USP34: variants seen among roughly 807,000 people sequenced by gnomAD.
USP34 encodes the protein ubiquitin specific peptidase 34, also known as ubiquitin carboxyl-terminal hydrolase 34.
USP34 carries 70 observed loss-of-function variants against 460.3 expected under a neutral mutation model. The ratio of observed to expected loss-of-function variants is 0.15; its 90% CI spans 0.13 to 0.19. USP34 has a LOEUF of 0.19. USP34 is among the 10% of genes least tolerant of loss of function. USP34 has a pLI of 1.00. For synonymous variants in USP34, 1,647 were observed against 1,405.3 expected (o/e 1.17, Z -3.85); for missense variants, 3,985 against 4,236.2 (o/e 0.94, Z 1.65).
At chr2:61,392,435 A>G (rs1693378018) in intron 5 of USP34, among the ~76,000 whole-genome samples, 1 of 152,010 alleles carries the variant, frequency 6.6e-6, no homozygotes, top group Non-Finnish European at 1.5e-5. Flanking sequence ...ACCAGCCTGG[A>G]CAACATGGCG....
At chr2:61,196,529 A>G (rs1204720774) in intron 75 of USP34, among the ~76,000 whole-genome samples, 3 of 151,714 alleles carry the variant, frequency 2.0e-5, no homozygotes, top group African/African-American at 4.8e-5. Context: ...CCAGCCCTAA[A>G]CAATTTTTTT....
chr2:61,415,051 G>A (rs1694152982), intron 2 of USP34, among the ~76,000 whole-genome samples: 1 of 152,144 alleles, frequency 6.6e-6, no homozygotes, highest in South Asian at 2.1e-4. Flanking sequence ...GCAAAGCGGG[G>A]TAGCCTCCGG....
chr2:61,265,322 T>A (rs987010158), intron 43 of USP34, 75 bp downstream of exon 43: 3 of 1,485,016 alleles, frequency 2.0e-6, no homozygotes, highest in Non-Finnish European at 2.7e-6. Context: ...ATTTACTACA[T>A]TGAAATAAAA....
rs146641048 is a variant in USP34 at position 61,444,846 on chromosome 2, C to G, written c.44-24013G>C. Among the ~76,000 whole-genome samples the G allele has an allele frequency of 6.3e-3, 959 of 151,450 alleles. 6 individuals carry two copies. Among genetic ancestry groups the G allele is most frequent in the Non-Finnish European group, 6.8e-3 (463 of 67,954 alleles). On this transcript the variant is annotated intron_variant, in intron 1 of 79. Transcript: ENST00000398571. ...TTTTTTGGCTTTGGAGCACCCCCTCCGTCTCTGTACAGGGGAGCCTCTTCC... is the reference window on the plus strand; with the variant it reads ...TTTTTTGGCTTTGGAGCACCCCCTCGGTCTCTGTACAGGGGAGCCTCTTCC...
intron 1 of USP34, among the ~76,000 whole-genome samples, chr2:61,461,737 A>T (rs1695606545): frequency 1.3e-5 from 2 of 152,192 alleles, no homozygotes; most frequent in African/African-American, 4.8e-5. Flanking sequence ...TAAAAGATCA[A>T]TATATCCTTT....
intron 44 of USP34, among the ~76,000 whole-genome samples, chr2:61,258,165 G>C (rs1001307111): frequency 1.3e-5 from 2 of 151,988 alleles, no homozygotes; most frequent in South Asian, 2.1e-4. Flanking sequence ...ACCAGCTTGG[G>C]GAACATAGTG....
chr2:61,441,142 T>A (rs199767703), intron 1 of USP34, among the ~76,000 whole-genome samples: 23 of 123,044 alleles, frequency 1.9e-4, no homozygotes, highest in Admixed American at 6.3e-4. Context: ...AAAAAAAAAA[T>A]TTTTTTTTTT....
chr2:61,442,349 TA>T (rs1316858450), intron 1 of USP34, among the ~76,000 whole-genome samples: 3 of 148,878 alleles, frequency 2.0e-5, no homozygotes, highest in African/African-American at 7.4e-5. Context: ...ATACGCAAAT[TA>T]CTCATCTGAG....
At chr2:61,275,631 A>C (rs1014100237) in intron 41 of USP34, among the ~76,000 whole-genome samples, 6 of 151,546 alleles carry the variant, frequency 4.0e-5, no homozygotes, top group South Asian at 2.1e-4. Context: ...TTTTTTTTTA[A>C]ATGAACTGTT....
chr2:61,201,521 A>C (rs1053810953), intron 75 of USP34, among the ~76,000 whole-genome samples: 1 of 152,112 alleles, frequency 6.6e-6, no homozygotes, highest in African/African-American at 2.4e-5. Flanking sequence ...CCCTTATAGA[A>C]AGTTCTATAA....
chr2:61,339,862 G>A (rs1240939282), intron 16 of USP34, among the ~76,000 whole-genome samples, 181 bp from the exon 17 acceptor site: 1 of 151,706 alleles, frequency 6.6e-6, no homozygotes, highest in Non-Finnish European at 1.5e-5. Context: ...AATAGAGACT[G>A]AGTCTCGCTA....
At chr2:61,450,198 A>G (rs995287054) in intron 1 of USP34, among the ~76,000 whole-genome samples, 1 of 152,232 alleles carries the variant, frequency 6.6e-6, no homozygotes, top group Non-Finnish European at 1.5e-5. Flanking sequence ...AAAAACAAAT[A>G]TTAGTATTCC....
chr2:61,410,580 T>C (rs888440281), intron 2 of USP34, among the ~76,000 whole-genome samples: 1 of 152,182 alleles, frequency 6.6e-6, no homozygotes, highest in Non-Finnish European at 1.5e-5. Flanking sequence ...GTGTTTTAAA[T>C]AAAAATATCA....
chr2:61,203,372 T>C (rs1687028757), intron 74 of USP34, 109 bp from the exon 75 acceptor site: 2 of 1,093,064 alleles, frequency 1.8e-6, no homozygotes, highest in Admixed American at 7.9e-5. Flanking sequence ...ATTTATATTC[T>C]ATAAGAACCT....
At chr2:61,190,454 A>C in intron 77 of USP34, 40 bp from the exon 78 acceptor site, 1 of 1,603,200 alleles carries the variant, frequency 6.2e-7, no homozygotes. Context: ...AAAGACCAGC[A>C]TAATGAAACC....
chr2:61,462,168 G>A (rs1695619732), intron 1 of USP34, among the ~76,000 whole-genome samples: 1 of 151,664 alleles, frequency 6.6e-6, no homozygotes, highest in Admixed American at 6.6e-5. Flanking sequence ...GAACCCGGGA[G>A]GCGGAGGTTG....
chr2:61,400,915 GC>G (rs1693697066), intron 3 of USP34, among the ~76,000 whole-genome samples: 1 of 152,012 alleles, frequency 6.6e-6, no homozygotes, highest in Non-Finnish European at 1.5e-5. Context: ...ATTTTGGGAG[GC>G]CGAGACAGGC....
At chr2:61,269,666 A>T (rs1689155563) in intron 41 of USP34, among the ~76,000 whole-genome samples, 1 of 152,134 alleles carries the variant, frequency 6.6e-6, no homozygotes, top group South Asian at 2.1e-4. Context: ...TCAACAATAA[A>T]AGTTTAAAGA....
rs1315147783 is a variant in USP34, at chr2:61,237,594, G to T, written c.6778-1205C>A. ...TTTTTTTTTTTTTTTTAAAGACAGG[G>T]TCTCACTCTGTTACCTGGGCTGGAG... On this transcript the variant is annotated intron_variant, in intron 53 of 79. Coordinates refer to ENST00000398571, the MANE Select transcript of USP34 (RefSeq NM_014709.4). Among the ~76,000 whole-genome samples, 5 of 122,902 alleles carry T rather than the reference G, an allele frequency of 4.1e-5. No homozygotes were observed. The East Asian group carries it at 7.2e-4, about 18-fold the overall frequency. 80.6% of individuals were successfully genotyped at this position (122,902 alleles called of 152,430 possible). A position where few individuals can be genotyped will look rare whatever the true frequency, so the allele number is the denominator to read the frequency against.
Sources: allele counts gnomAD v4.1 joint callset (sites outside exome capture counted in the v4.1 genomes callset), GRCh38; gene constraint gnomAD v4.1.1; transcripts MANE v1.5; gene names NCBI Gene and HGNC (gene_info 2026-07-23, HGNC 2026-07-21).